Variants in SLC27A2 observed in about 807,000 individuals in gnomAD.
SLC27A2 encodes the protein solute carrier family 27 member 2.
A neutral mutation model predicts 60.0 loss-of-function variants in SLC27A2; 54 were observed. That is an observed-to-expected ratio of 0.90 (90% CI 0.72 to 1.13). The LOEUF (loss-of-function observed/expected upper bound fraction) is 1.13. SLC27A2 is among the 50% of genes most tolerant of loss of function. The pLI, the probability that SLC27A2 is intolerant of heterozygous loss-of-function variation, is 0.00. For missense variants in SLC27A2, 739 were observed against 777.6 expected (o/e 0.95, Z 0.59); for synonymous variants, 297 against 297.6 (o/e 1.00, Z 0.02).
intron 4 of SLC27A2, among the ~76,000 whole-genome samples, chr15:50,213,578 T>C (rs2045173430): frequency 6.6e-6 from 1 of 152,118 alleles, no homozygotes; most frequent in African/African-American, 2.4e-5. Flanking sequence ...TGAACTTCAA[T>C]AAATTTAAGA....
At chr15:50,229,437 T>C (rs148935727) in intron 8 of SLC27A2, among the ~76,000 whole-genome samples, 2,131 of 152,256 alleles carry the variant, frequency 0.014, 23 homozygotes, top group Middle Eastern at 0.034. Context: ...GAAAAGTGGA[T>C]TTTGTACAGC....
chr15:50,194,317 T>G (rs2555488), intron 1 of SLC27A2, among the ~76,000 whole-genome samples: 129,735 of 151,790 alleles, frequency 0.85, 56,052 homozygotes, highest in East Asian at 0.95. Context: ...AAGCAGGAGT[T>G]TTCCAGGTGA....
At chr15:50,206,650 G>T (rs1245312369) in intron 4 of SLC27A2, among the ~76,000 whole-genome samples, 1 of 152,092 alleles carries the variant, frequency 6.6e-6, no homozygotes, top group Non-Finnish European at 1.5e-5. Context: ...ACATAGTAAA[G>T]GTTTATGTGA....
intron 2 of SLC27A2, among the ~76,000 whole-genome samples, chr15:50,199,459 C>G (rs1311991031): frequency 3.1e-5 from 4 of 127,058 alleles, no homozygotes; most frequent in Non-Finnish European, 6.3e-5. Flanking sequence ...GCCTGGGCGA[C>G]AGAGCGAGAC....
At chr15:50,216,155 A>C (rs566358035) in intron 4 of SLC27A2, among the ~76,000 whole-genome samples, 2 of 152,358 alleles carry the variant, frequency 1.3e-5, no homozygotes, top group Non-Finnish European at 2.9e-5. Context: ...TAAGGACATG[A>C]ATAGACAATT....
At chr15:50,222,839 C>A in intron 4 of SLC27A2, 126 bp from the exon 5 acceptor site, 1 of 772,576 alleles carries the variant, frequency 1.3e-6, no homozygotes, top group Non-Finnish European at 2.0e-6. Context: ...TTATAACCAA[C>A]ATAAATATGT....
intron 3 of SLC27A2, among the ~76,000 whole-genome samples, chr15:50,203,186 T>C (rs1323936499): frequency 6.6e-6 from 1 of 151,856 alleles, no homozygotes; most frequent in East Asian, 1.9e-4. Flanking sequence ...AGACCTTGAC[T>C]GTAAAAAAAA....
At chr15:50,213,421 C>G (rs1476603044) in intron 4 of SLC27A2, among the ~76,000 whole-genome samples, 2 of 152,160 alleles carry the variant, frequency 1.3e-5, no homozygotes, top group African/African-American at 4.8e-5. Context: ...AACAAAGAAA[C>G]AATGGATTTA....
intron 9 of SLC27A2, 68 bp from the exon 10 acceptor site, chr15:50,235,852 A>G (rs1461613907): frequency 7.0e-6 from 9 of 1,280,932 alleles, no homozygotes; most frequent in Admixed American, 1.9e-5. Flanking sequence ...CCCCACCCCT[A>G]CCCCTTGCTC....
chr15:50,212,842 A>G (rs894444990), intron 4 of SLC27A2, among the ~76,000 whole-genome samples: 3 of 152,206 alleles, frequency 2.0e-5, no homozygotes, highest in Admixed American at 2.0e-4. Context: ...ACCTCTTTAC[A>G]GTATAAATCA....
intron 4 of SLC27A2, among the ~76,000 whole-genome samples, chr15:50,210,991 G>A (rs2045150533): frequency 6.6e-6 from 1 of 152,186 alleles, no homozygotes; most frequent in East Asian, 1.9e-4. Context: ...ACCTGACCAA[G>A]GAGAGTCTGA....
chr15:50,225,332 C>A (rs527712234), intron 5 of SLC27A2, among the ~76,000 whole-genome samples: 1 of 152,174 alleles, frequency 6.6e-6, no homozygotes, highest in African/African-American at 2.4e-5. Context: ...TAATTAAATT[C>A]TTATGCTTTG....
intron 7 of SLC27A2, among the ~76,000 whole-genome samples, chr15:50,227,506 C>T (rs995906349): frequency 6.6e-6 from 1 of 152,178 alleles, no homozygotes; most frequent in Admixed American, 6.5e-5. Context: ...TTCACCTTTC[C>T]AATCATGGAG....
In SLC27A2 at chr15:50,182,472, G is replaced by T. The variant is rs745920735; in HGVS notation, c.45G>T (p.Leu15=). ...CAGTCCTGGCGGGACTGCTGTTCCT[G>T]CCGCTCCTGGTGAACCTCTGCTGCC... ...IYTVLAGLLF[L]PLLVNLCCPY... is the part of the protein sequence containing the mutation. Residue 15 remains leucine (L), a synonymous_variant, in exon 1 of 10, where the codon CTG becomes CTT. Coordinates refer to ENST00000267842, the MANE Select transcript of SLC27A2 (RefSeq NM_003645.4). The T allele has an allele frequency of 1.2e-5, 20 of 1,609,536 alleles. No individual in the cohort carries two copies. The South Asian group carries it at 2.1e-4, about 17-fold the overall frequency.
Position 50,182,217 on chromosome 15 carries a change from C to A in SLC27A2, c.-211C>A. 2 of 698,464 alleles carry A rather than the reference C, an allele frequency of 2.9e-6. No homozygotes were observed. Among genetic ancestry groups the A allele is most frequent in the South Asian group, 6.3e-5 (1 of 15,854 alleles). 43.3% of individuals were successfully genotyped at this position (698,464 alleles called of 1,614,324 possible). A position where few individuals can be genotyped will look rare whatever the true frequency, so the allele number is the denominator to read the frequency against. On this transcript the variant is annotated 5_prime_UTR_variant, in exon 1 of 10. Coordinates refer to ENST00000267842, the MANE Select transcript of SLC27A2 (RefSeq NM_003645.4). ...GGCCAGTCCTGCCCGGAACCCCCGG[C>A]AACGCGCATACGACTACACCTGCTC...
chr15:50,194,678 A>T (rs1383469709), intron 1 of SLC27A2, among the ~76,000 whole-genome samples: 2 of 152,188 alleles, frequency 1.3e-5, no homozygotes, highest in Non-Finnish European at 2.9e-5. Flanking sequence ...GGAAATAATG[A>T]GGACATGAGC....
chr15:50,202,170 A>G (rs968230000), intron 2 of SLC27A2, among the ~76,000 whole-genome samples: 1 of 152,186 alleles, frequency 6.6e-6, no homozygotes, highest in Admixed American at 6.5e-5. Context: ...GGCCAAATAC[A>G]GCCTCCCACC....
At position 50,204,857 on chromosome 15, in the gene SLC27A2, GTA is replaced by G. The variant is rs539595020; in HGVS notation, c.848-371_848-370del. On this transcript the variant is annotated intron_variant, in intron 3 of 9. Coordinates refer to ENST00000267842, the MANE Select transcript of SLC27A2 (RefSeq NM_003645.4). The stretch of plus-strand genomic sequence containing the variant: ...TGTGTGTGTATATATATGTATGTGT[GTA>G]TATATATATACTTGAGACAGAGTCT... Among the ~76,000 whole-genome samples, 892 of 147,288 alleles carry G rather than the reference GTA, an allele frequency of 6.1e-3. 10 individuals are homozygous for G. Among genetic ancestry groups the G allele is most frequent in the African/African-American group, 0.022 (873 of 40,426 alleles).
In SLC27A2 at chr15:50,235,924, C is replaced by T. The variant is rs760803227; in HGVS notation, c.1691C>T (p.Thr564Ile). Residue 564 changes from threonine to isoleucine, a missense_variant, in exon 10 of 10, where the codon ACC becomes ATC. By Grantham distance (89) the Thr-to-Ile change is moderately conservative (BLOSUM62 -1). Transcript: ENST00000267842. ...GGATTATTTGATGTTTTTCAGGACA[C>T]CATTGAGATCACTGGAACTTTTAAA... is the stretch of plus-strand genomic sequence containing the variant. ...ARPRFLRIQDTIEITGTFKHR... is the reference protein window; with the variant it reads ...ARPRFLRIQDIIEITGTFKHR... The T allele has an allele frequency of 2.5e-6, 4 of 1,610,810 alleles. No homozygotes were observed. Among genetic ancestry groups the T allele is most frequent in the African/African-American group, 1.3e-5 (1 of 74,806 alleles).
Sources: allele counts gnomAD v4.1 joint callset (sites outside exome capture counted in the v4.1 genomes callset), GRCh38; gene constraint gnomAD v4.1.1; transcripts MANE v1.5; gene names NCBI Gene and HGNC (gene_info 2026-07-23, HGNC 2026-07-21).